The following PPARG variants were observed in gnomAD, a reference collection of about 807,000 sequenced individuals.
The protein encoded by PPARG is peroxisome proliferator activated receptor gamma.
In PPARG, 17 loss-of-function variants were observed where a neutral mutation model predicts 39.2. That is an observed-to-expected ratio of 0.43 (90% confidence interval 0.30 to 0.65). The LOEUF (loss-of-function observed/expected upper bound fraction) is 0.65. PPARG is among the 30% of genes least tolerant of loss of function. The pLI, the probability that PPARG is intolerant of heterozygous loss-of-function variation, is 0.13. For missense variants in PPARG, 406 were observed against 585.9 expected, an observed-to-expected ratio of 0.69 and a Z score of 3.17; for synonymous variants, 223 against 215.7, an observed-to-expected ratio of 1.03 and a Z score of -0.30.
intron 1 of PPARG, among the ~76,000 whole-genome samples, chr3:12,299,761 T>C (rs2046881545): frequency 6.6e-6 from 1 of 152,098 alleles, no homozygotes; most frequent in African/African-American, 2.4e-5. Flanking sequence ...TAAAACAAAG[T>C]TCATGGAGAC....
intron 4 of PPARG, among the ~76,000 whole-genome samples, chr3:12,386,770 G>A (rs1005854794): frequency 1.5e-4 from 23 of 152,070 alleles, no homozygotes; most frequent in Non-Finnish European, 2.4e-4. Flanking sequence ...TGCACAACGT[G>A]CAGGTTTGTT....
intron 6 of PPARG, among the ~76,000 whole-genome samples, chr3:12,415,846 G>GT (rs1159927076): frequency 2.6e-5 from 4 of 152,062 alleles, no homozygotes; most frequent in Non-Finnish European, 5.9e-5. Context: ...TGTGCACATA[G>GT]TTTCATTTGA....
At position 12,354,877 on chromosome 3, in the gene PPARG, A is replaced by G. The variant is rs562717218; in HGVS notation, c.-8-24827A>G. Among the ~76,000 whole-genome samples, 99 of 152,342 alleles carry G rather than the reference A, an allele frequency of 6.5e-4. 3 individuals carry two copies. In the East Asian group the frequency reaches 0.016, roughly 25 times the overall value. On this transcript the variant is annotated intron_variant, in intron 2 of 7. Coordinates refer to ENST00000651735, the MANE Select transcript of PPARG (RefSeq NM_138711.6). ...GGCAGTTATATGAATGAAGCGGGGCATCCGCATGATCTCCTGTGAGTGTTT... is the reference window on the plus strand; with the variant it reads ...GGCAGTTATATGAATGAAGCGGGGCGTCCGCATGATCTCCTGTGAGTGTTT...
At chr3:12,391,869 C>G (rs2050088662) in intron 4 of PPARG, among the ~76,000 whole-genome samples, 1 of 151,914 alleles carries the variant, frequency 6.6e-6, no homozygotes, top group Admixed American at 6.6e-5. Context: ...ATGATGAACC[C>G]AAAAAATGGA....
chr3:12,371,809 A>G (rs1434610020), intron 2 of PPARG: 1 of 644,952 alleles, frequency 1.6e-6, no homozygotes, highest in Non-Finnish European at 2.9e-6. Flanking sequence ...TATCTGTCAA[A>G]TGAGAACTCA....
At chr3:12,298,474 C>G (rs932122179) in intron 1 of PPARG, among the ~76,000 whole-genome samples, 1 of 151,888 alleles carries the variant, frequency 6.6e-6, no homozygotes, top group Non-Finnish European at 1.5e-5. Context: ...GTTGCATTGT[C>G]CTAGAAATCC....
chr3:12,416,979 T>C lies in PPARG; in HGVS notation c.1005T>C (p.Asp335=). The C allele has an allele frequency of 1.2e-6, 2 of 1,614,086 alleles. No individual in the cohort carries two copies. Among genetic ancestry groups the C allele is most frequent in the Non-Finnish European group, 1.7e-6 (2 of 1,180,010 alleles). The change falls in exon 7 of 8, where the codon GAT becomes GAC. Residue 335 remains aspartate, a synonymous_variant. Coordinates refer to ENST00000651735, the MANE Select transcript of PPARG (RefSeq NM_138711.6). ...TGCTGGCCTCCTTGATGAATAAAGA[T>C]GGGGTTCTCATATCCGAGGGCCAAG... ...YTMLASLMNK[D]GVLISEGQGF...
chr3:12,368,475 C>T (rs546487081), intron 2 of PPARG, among the ~76,000 whole-genome samples: 1 of 152,238 alleles, frequency 6.6e-6, no homozygotes, highest in South Asian at 2.1e-4. Context: ...AGCCACCACG[C>T]CCAGCCTCTA....
chr3:12,354,512 G>A (rs1221121350), intron 2 of PPARG, among the ~76,000 whole-genome samples: 34 of 152,004 alleles, frequency 2.2e-4, no homozygotes, highest in African/African-American at 9.7e-5. Flanking sequence ...TTGGGAGGCC[G>A]AGGCGGGCAG....
intron 1 of PPARG, among the ~76,000 whole-genome samples, chr3:12,307,077 G>A (rs9860894): frequency 0.022 from 2,702 of 122,804 alleles, 82 homozygotes; most frequent in African/African-American, 0.081. Context: ...CAGCCTGGGC[G>A]ACAGTGCAAG....
chr3:12,339,666 T>C (rs11128601), intron 2 of PPARG, among the ~76,000 whole-genome samples: 38,143 of 152,080 alleles, frequency 0.25, 4,892 homozygotes, highest in East Asian at 0.33. Context: ...TCACTGACTG[T>C]ACTTGGGCAA....
chr3:12,310,791 TAAAA>T (rs761238501), intron 1 of PPARG, among the ~76,000 whole-genome samples: 7,330 of 47,506 alleles, frequency 0.15, 296 homozygotes, highest in Admixed American at 0.2. Context: ...GCCTTAAATG[TAAAA>T]AAAAAAAAAA....
chr3:12,410,542 A>T (rs2050846660), intron 6 of PPARG, among the ~76,000 whole-genome samples: 1 of 152,206 alleles, frequency 6.6e-6, no homozygotes, highest in African/African-American at 2.4e-5. Context: ...GTCTGCAAAT[A>T]AGGAATAAAA....
intron 1 of PPARG, among the ~76,000 whole-genome samples, chr3:12,289,390 A>C (rs2046592537): frequency 1.3e-5 from 2 of 152,232 alleles, no homozygotes; most frequent in African/African-American, 4.8e-5. Flanking sequence ...ATTAGGGACA[A>C]AATGTAAAGT....
At chr3:12,290,218 A>G (rs938464020) in intron 1 of PPARG, among the ~76,000 whole-genome samples, 1 of 152,082 alleles carries the variant, frequency 6.6e-6, no homozygotes, top group Non-Finnish European at 1.5e-5. Flanking sequence ...TTTCATATTT[A>G]CAAGTTTGTT....
At chr3:12,432,777 A>C (rs1458043200) in intron 7 of PPARG, among the ~76,000 whole-genome samples, 1 of 152,270 alleles carries the variant, frequency 6.6e-6, no homozygotes, top group Non-Finnish European at 1.5e-5. Flanking sequence ...ATAAAAGTTC[A>C]GAAAATTGGA....
chr3:12,356,061 C>G (rs1178072818), intron 2 of PPARG, among the ~76,000 whole-genome samples: 1 of 152,176 alleles, frequency 6.6e-6, no homozygotes. Context: ...TGATACAGAG[C>G]TTCTGTCCTG....
At position 12,392,648 on chromosome 3, in the gene PPARG, T is replaced by G. The variant is rs1315048063; in HGVS notation, c.425T>G (p.Ile142Ser). Reference protein sequence around the residue: ...FFRRTIRLKLIYDRCDLNCRI... With the variant: ...FFRRTIRLKLSYDRCDLNCRI... ...CGGAGAACAATCAGATTGAAGCTTA[T>G]CTATGACAGATGTGATCTTAACTGT... Residue 142 changes from isoleucine (I) to serine (S), a missense_variant, in exon 5 of 8, where the codon ATC becomes AGC. Physicochemically the swap from Ile to Ser is moderately radical, Grantham distance 142 (BLOSUM62 -2). Transcript: ENST00000651735. 1 of 1,613,854 alleles carries G rather than the reference T, an allele frequency of 6.2e-7. No individual in the cohort carries two copies. The highest frequency in any genetic ancestry group is 8.5e-7 in the Non-Finnish European group (1 of 1,179,886).
chr3:12,411,789 C>G (rs1303516031), intron 6 of PPARG, among the ~76,000 whole-genome samples: 1 of 136,382 alleles, frequency 7.3e-6, no homozygotes, highest in Non-Finnish European at 1.7e-5. Context: ...GGGCAGAAAC[C>G]AACGAGAGGC....
Sources: allele counts gnomAD v4.1 joint callset (sites outside exome capture counted in the v4.1 genomes callset), GRCh38; gene constraint gnomAD v4.1.1; transcripts MANE v1.5; gene names NCBI Gene and HGNC (gene_info 2026-07-23, HGNC 2026-07-21).